The following ATL2 variants were observed in gnomAD, a reference collection of about 807,000 sequenced individuals.
ATL2 encodes the protein atlastin-2.
In ATL2, 31 loss-of-function variants were observed where a neutral mutation model predicts 73.9. The ratio of observed to expected loss-of-function variants is 0.42; its 90% CI spans 0.32 to 0.57. The LOEUF is 0.57. Ranked by LOEUF, ATL2 falls within the 20% of genes least tolerant of loss-of-function variation. ATL2 has a pLI of 0.14. For missense variants in ATL2, 738 were observed against 702.6 expected, an observed-to-expected ratio of 1.05 and a Z score of -0.57; for synonymous variants, 291 against 237.5, an observed-to-expected ratio of 1.23 and a Z score of -2.07.
chr2:38,368,497 C>T (rs959985604), intron 1 of ATL2, among the ~76,000 whole-genome samples: 1 of 152,168 alleles, frequency 6.6e-6, no homozygotes, highest in African/African-American at 2.4e-5. Flanking sequence ...GGTGATCCGC[C>T]CGCCTTGGCC....
chr2:38,344,660 A>AC (rs986663698), intron 1 of ATL2, among the ~76,000 whole-genome samples: 64 of 152,246 alleles, frequency 4.2e-4, no homozygotes, highest in African/African-American at 1.5e-3. Context: ...TCTGAAACTT[A>AC]AAGGGGAAAA....
At chr2:38,366,110 AAAAC>A (rs898919527) in intron 1 of ATL2, among the ~76,000 whole-genome samples, 5 of 152,036 alleles carry the variant, frequency 3.3e-5, no homozygotes, top group Admixed American at 6.6e-5. Context: ...AAAAAAAAAA[AAAAC>A]AAAGATAAAG....
intron 2 of ATL2, among the ~76,000 whole-genome samples, chr2:38,320,561 A>G (rs772455932): frequency 6.6e-6 from 1 of 152,236 alleles, no homozygotes; most frequent in Non-Finnish European, 1.5e-5. Flanking sequence ...AAGTTAACAT[A>G]TAAGGTAATT....
intron 2 of ATL2, among the ~76,000 whole-genome samples, chr2:38,332,645 C>T (rs548604278): frequency 1.4e-4 from 21 of 152,206 alleles, no homozygotes; most frequent in African/African-American, 3.9e-4. Context: ...AAAGGAAAAA[C>T]AAAAAATCAA....
intron 12 of ATL2, chr2:38,296,461 A>G: frequency 6.3e-7 from 1 of 1,587,612 alleles, no homozygotes; most frequent in South Asian, 1.1e-5. Flanking sequence ...CTTCAGATAG[A>G]GAAAAAGGTT....
In ATL2 at chr2:38,366,451, T is replaced by C. The variant is rs576476818; in HGVS notation, c.118+10692A>G. 3.9e-5 allele frequency among the ~76,000 whole-genome samples: 6 copies of C among 152,340 alleles called. No individual in the cohort carries two copies. In the South Asian group the frequency reaches 1.0e-3, roughly 26 times the overall value. Reference sequence around the variant, plus strand: ...GTATTTTTTAAGCATCTCTTTTAGATTGAAAATTCTCAGAAATCAGGGTCA... The same window carrying C: ...GTATTTTTTAAGCATCTCTTTTAGACTGAAAATTCTCAGAAATCAGGGTCA... On this transcript the variant is annotated intron_variant, in intron 1 of 12. Coordinates refer to ENST00000378954, the MANE Select transcript of ATL2 (RefSeq NM_001135673.4).
intron 1 of ATL2, among the ~76,000 whole-genome samples, chr2:38,355,703 CT>C (rs34580648): frequency 0.27 from 36,920 of 136,764 alleles, 4,751 homozygotes; most frequent in African/African-American, 0.37. Flanking sequence ...TTGTTTGGTT[CT>C]TTTTTTTTTT....
chr2:38,323,380 T>TG (rs1358038789), intron 2 of ATL2, among the ~76,000 whole-genome samples: 2 of 107,638 alleles, frequency 1.9e-5, no homozygotes, highest in Non-Finnish European at 3.5e-5. Context: ...TTTTTTGAGA[T>TG]GGGGTCTCAC....
At chr2:38,376,152 A>G in intron 1 of ATL2, 1 of 1,532,128 alleles carries the variant, frequency 6.5e-7, no homozygotes, top group East Asian at 2.5e-5. Context: ...AGCCTTTGAA[A>G]AAACTTTATG....
intron 1 of ATL2, among the ~76,000 whole-genome samples, chr2:38,357,019 G>A (rs949445201): frequency 6.6e-6 from 1 of 152,116 alleles, no homozygotes; most frequent in African/African-American, 2.4e-5. Flanking sequence ...ATAATTTAAT[G>A]CTGGAAATCT....
At position 38,299,475 on chromosome 2, in the gene ATL2, G is replaced by T; in HGVS notation, c.1129-148C>A. ...GTTTTTCTTTCCTATGCAAGGGAAC[G>T]TTGGTATAAAGGATATAATGGTAAG... is the stretch of plus-strand genomic sequence containing the variant. On this transcript the variant is annotated intron_variant, in intron 10 of 12. Coordinates refer to ENST00000378954, the MANE Select transcript of ATL2 (RefSeq NM_001135673.4). 1 of 802,420 alleles carries T rather than the reference G, an allele frequency of 1.2e-6. No homozygotes were observed. The allele number at this position is 802,420 out of a possible 1,614,324, so 49.7% of individuals were successfully genotyped here. A position where few individuals can be genotyped will look rare whatever the true frequency, so the allele number is the denominator to read the frequency against.
intron 2 of ATL2, among the ~76,000 whole-genome samples, chr2:38,336,069 A>C (rs1423840691): frequency 6.6e-6 from 1 of 152,230 alleles, no homozygotes; most frequent in Non-Finnish European, 1.5e-5. Flanking sequence ...CCAAGGAAGC[A>C]GCATTTAAAA....
rs59215933 is a variant in ATL2, at chr2:38,343,149, TAAAAAAAA to T, written c.363+111_363+118del. The T allele has an allele frequency of 4.4e-4, 162 of 364,544 alleles. 1 individual carries two copies. The highest frequency in any genetic ancestry group is 1.8e-3 in the South Asian group (43 of 23,580). 22.6% of individuals were successfully genotyped at this position (364,544 alleles called of 1,614,324 possible). On this transcript the variant is annotated intron_variant, in intron 2 of 12. Coordinates refer to ENST00000378954, the MANE Select transcript of ATL2 (RefSeq NM_001135673.4). ...GGTAACAGAGTGAGACCACTTAAATTAAAAAAAAAAAAAAAAAAAAAAAAAAAAAGATA... is the reference window on the plus strand; with the variant it reads ...GGTAACAGAGTGAGACCACTTAAATTAAAAAAAAAAAAAAAAAAAAAGATA...
At chr2:38,376,370 G>A in intron 1 of ATL2, 1 of 689,884 alleles carries the variant, frequency 1.4e-6, no homozygotes, top group Non-Finnish European at 2.2e-6. Flanking sequence ...AAACCAGGGA[G>A]CCAAGGATCA....
At position 38,343,408 on chromosome 2, in the gene ATL2, G is replaced by C; in HGVS notation, c.223C>G (p.Leu75Val). Residue 75 changes from leucine to valine, a missense_variant, in exon 2 of 13, where the codon CTT (leucine) becomes GTT (valine). Leu to Val is a conservative substitution (Grantham distance 32). Transcript: ENST00000378954. ...ATCTGCTCCAAAGCTTCTTCATCAA[G>C]TTCAAAGTTATGGTCATCTTCATGA... is the stretch of plus-strand genomic sequence containing the variant. ...LAHEDDHNFE[L>V]DEEALEQILL... 2.5e-6 allele frequency: 4 copies of C among 1,612,640 alleles called. No homozygotes were observed. The highest frequency in any genetic ancestry group is 1.7e-4 in the Middle Eastern group (1 of 6,060).
chr2:38,353,511 G>A (rs1003409850), intron 1 of ATL2, among the ~76,000 whole-genome samples: 7 of 152,162 alleles, frequency 4.6e-5, no homozygotes, highest in East Asian at 1.9e-4. Context: ...AAGTGAGGCT[G>A]GAGCTGAAAA....
intron 6 of ATL2, among the ~76,000 whole-genome samples, chr2:38,313,626 A>G (rs563942103): frequency 5.3e-5 from 8 of 152,212 alleles, no homozygotes; most frequent in Non-Finnish European, 1.0e-4. Flanking sequence ...TCTGGGGTCA[A>G]TAAGGACATT....
chr2:38,326,910 C>T (rs183878703), intron 2 of ATL2, among the ~76,000 whole-genome samples: 180 of 152,150 alleles, frequency 1.2e-3, no homozygotes, highest in Non-Finnish European at 2.2e-3. Flanking sequence ...ATCACTTGAA[C>T]CCAGAAGGCA....
intron 12 of ATL2, chr2:38,296,579 T>C (rs762238785): frequency 1.2e-6 from 2 of 1,613,778 alleles, no homozygotes; most frequent in African/African-American, 2.7e-5. Context: ...CTTCAAACAG[T>C]TTGGAAAACA....
Sources: allele counts gnomAD v4.1 joint callset (sites outside exome capture counted in the v4.1 genomes callset), GRCh38; gene constraint gnomAD v4.1.1; transcripts MANE v1.5; gene names NCBI Gene and HGNC (gene_info 2026-07-23, HGNC 2026-07-21).